FRMD4A: variants seen among roughly 807,000 people sequenced by gnomAD.
FRMD4A encodes FERM domain containing 4A, also known as FERM domain-containing protein 4A.
In FRMD4A, 29 loss-of-function variants were observed where a neutral mutation model predicts 129.1. The observed-to-expected ratio is 0.22, with a 90% CI of 0.17 to 0.31. The LOEUF is 0.31. FRMD4A is among the 10% of genes least tolerant of loss of function. FRMD4A has a pLI of 1.00. For synonymous variants in FRMD4A, 634 were observed against 571.6 expected (o/e 1.11, Z -1.56); for missense variants, 1,272 against 1,375.8 (o/e 0.92, Z 1.19).
chr10:14,030,643 C>T (rs986998533), intron 2 of FRMD4A, among the ~76,000 whole-genome samples: 2 of 152,188 alleles, frequency 1.3e-5, no homozygotes, highest in Non-Finnish European at 1.5e-5. Flanking sequence ...GGCCTGTCTG[C>T]TCCAGCTATC....
chr10:14,030,229 G>C (rs1393028809), intron 2 of FRMD4A, among the ~76,000 whole-genome samples: 1 of 152,198 alleles, frequency 6.6e-6, no homozygotes, highest in Non-Finnish European at 1.5e-5. Context: ...CTTGAAATTT[G>C]CTGAGAGGAT....
chr10:13,721,586 TC>T (rs1324001907), intron 12 of FRMD4A, among the ~76,000 whole-genome samples: 11 of 152,158 alleles, frequency 7.2e-5, no homozygotes, highest in African/African-American at 2.7e-4. Flanking sequence ...CATAAAAAGC[TC>T]CCCGACCCTT....
chr10:13,753,746 T>C (rs774097660), intron 8 of FRMD4A, among the ~76,000 whole-genome samples: 15 of 152,100 alleles, frequency 9.9e-5, no homozygotes, highest in Non-Finnish European at 2.2e-4. Context: ...GGTCTCACTA[T>C]GTTGCCTAGG....
intron 15 of FRMD4A, among the ~76,000 whole-genome samples, chr10:13,678,081 G>A (rs530940080): frequency 2.0e-5 from 3 of 152,300 alleles, no homozygotes; most frequent in African/African-American, 7.2e-5. Context: ...TGATCATGTT[G>A]CTAGTTATGG....
intron 3 of FRMD4A, among the ~76,000 whole-genome samples, chr10:13,832,724 C>T (rs751954582): frequency 5.1e-4 from 77 of 152,228 alleles, no homozygotes; most frequent in Non-Finnish European, 8.4e-4. Flanking sequence ...GGCCTGCAGG[C>T]CAGGGGGTAG....
intron 2 of FRMD4A, among the ~76,000 whole-genome samples, chr10:14,235,475 C>T (rs530199887): frequency 4.6e-5 from 7 of 152,212 alleles, no homozygotes; most frequent in African/African-American, 1.7e-4. Flanking sequence ...ATACACACTC[C>T]CCTCTGCACT....
chr10:14,134,165 C>CT (rs1192764004), intron 2 of FRMD4A, among the ~76,000 whole-genome samples: 7 of 151,996 alleles, frequency 4.6e-5, no homozygotes, highest in Non-Finnish European at 8.8e-5. Context: ...TTCTCTTTGT[C>CT]TTTTTTTGTT....
chr10:14,048,636 T>A (rs1051180085), intron 2 of FRMD4A, among the ~76,000 whole-genome samples: 5 of 151,898 alleles, frequency 3.3e-5, no homozygotes, highest in Non-Finnish European at 7.4e-5. Context: ...TGAAACCCTG[T>A]CTCTACTAAA....
chr10:14,037,905 T>A (rs1474903935), intron 2 of FRMD4A, among the ~76,000 whole-genome samples: 1 of 152,226 alleles, frequency 6.6e-6, no homozygotes, highest in African/African-American at 2.4e-5. Context: ...ATTCCCTTTT[T>A]TAAACCAAGC....
intron 2 of FRMD4A, among the ~76,000 whole-genome samples, chr10:13,936,342 C>G (rs1319949594): frequency 4.6e-5 from 7 of 152,242 alleles, no homozygotes; most frequent in Non-Finnish European, 1.0e-4. Context: ...TGCCACCAAA[C>G]TCTTCGGACC....
At chr10:14,153,144 T>G (rs1390111588) in intron 2 of FRMD4A, among the ~76,000 whole-genome samples, 1 of 152,210 alleles carries the variant, frequency 6.6e-6, no homozygotes, top group African/African-American at 2.4e-5. Flanking sequence ...CTTTTCCCAT[T>G]TTCCATGAAA....
intron 2 of FRMD4A, among the ~76,000 whole-genome samples, chr10:13,889,172 A>G (rs1327383819): frequency 6.6e-6 from 1 of 152,240 alleles, no homozygotes; most frequent in African/African-American, 2.4e-5. Context: ...TTACTTAAAG[A>G]CAAAGGTAGC....
At chr10:13,778,327 G>T (rs183388676) in intron 6 of FRMD4A, among the ~76,000 whole-genome samples, 3 of 152,234 alleles carry the variant, frequency 2.0e-5, no homozygotes, top group African/African-American at 4.8e-5. Context: ...TTAGAGGAAA[G>T]AATCTAAAAG....
At chr10:13,736,650 G>A (rs1398185721) in intron 12 of FRMD4A, among the ~76,000 whole-genome samples, 1 of 152,332 alleles carries the variant, frequency 6.6e-6, no homozygotes, top group Admixed American at 6.5e-5. Flanking sequence ...ACTTAGATAT[G>A]TAGTGTGGGT....
At chr10:13,856,666 C>A (rs1321473834) in intron 3 of FRMD4A, among the ~76,000 whole-genome samples, 1 of 152,172 alleles carries the variant, frequency 6.6e-6, no homozygotes, top group African/African-American at 2.4e-5. Context: ...GAGAGAATAA[C>A]ACAGGAAGCC....
chr10:13,867,550 C>T (rs1244522007), intron 2 of FRMD4A, among the ~76,000 whole-genome samples: 1 of 145,298 alleles, frequency 6.9e-6, no homozygotes, highest in African/African-American at 2.5e-5. Flanking sequence ...TGTGAGCCAC[C>T]ACTTTCAGCC....
chr10:14,103,351 G>C lies in FRMD4A; in HGVS notation c.45+226707C>G, dbSNP rs142676434. On this transcript the variant is annotated intron_variant, in intron 2 of 24. Coordinates refer to ENST00000357447, the MANE Select transcript of FRMD4A (RefSeq NM_018027.5). Reference sequence around the variant, plus strand: ...TAGAAATCTCCTGAAACAGGTAGGGGGTAACCTTCTCTCTCTTTTTCCTAC... The same window carrying C: ...TAGAAATCTCCTGAAACAGGTAGGGCGTAACCTTCTCTCTCTTTTTCCTAC... 4.1e-3 allele frequency among the ~76,000 whole-genome samples: 621 copies of C among 152,290 alleles called. 1 individual carries two copies. Among genetic ancestry groups the C allele is most frequent in the Admixed American group, 6.6e-3 (101 of 15,308 alleles).
At chr10:13,911,708 C>T (rs1228716563) in intron 2 of FRMD4A, among the ~76,000 whole-genome samples, 2 of 152,200 alleles carry the variant, frequency 1.3e-5, no homozygotes, top group Non-Finnish European at 2.9e-5. Context: ...ACTACAGGCA[C>T]GTGCCACCTC....
At chr10:13,903,713 A>T (rs1007166721) in intron 2 of FRMD4A, among the ~76,000 whole-genome samples, 1 of 151,652 alleles carries the variant, frequency 6.6e-6, no homozygotes, top group African/African-American at 2.4e-5. Context: ...CTCTAAAAAA[A>T]TAAAAATAAA....
Sources: gnomAD v4.1 joint callset for allele counts (sites outside exome capture counted in the v4.1 genomes callset) on GRCh38, gnomAD v4.1.1 for gene constraint, MANE v1.5 for transcripts, NCBI Gene and HGNC (gene_info 2026-07-23, HGNC 2026-07-21) for gene names.